The following RICTOR variants were observed in gnomAD, a reference collection of about 807,000 sequenced individuals.
RICTOR encodes the protein rapamycin-insensitive companion of mTOR.
A neutral mutation model predicts 214.9 loss-of-function variants in RICTOR; 49 were observed. The ratio of observed to expected loss-of-function variants is 0.23; its 90% confidence interval spans 0.18 to 0.29. The LOEUF (loss-of-function observed/expected upper bound fraction) is 0.29, where lower values mean the gene tolerates loss of function less well. RICTOR is among the 10% of genes least tolerant of loss of function. RICTOR has a pLI of 1.00. For missense variants in RICTOR, 1,625 were observed against 2,047.0 expected (o/e 0.79, Z 3.98); for synonymous variants, 717 against 711.3 (o/e 1.01, Z -0.13).
intron 2 of RICTOR, among the ~76,000 whole-genome samples, chr5:39,033,422 C>T (rs757900378): frequency 6.6e-6 from 1 of 152,006 alleles, no homozygotes; most frequent in Non-Finnish European, 1.5e-5. Flanking sequence ...TGCCACCACG[C>T]CTGGCTAATT....
chr5:39,061,674 G>A (rs757861757), intron 2 of RICTOR, among the ~76,000 whole-genome samples: 5 of 150,360 alleles, frequency 3.3e-5, no homozygotes, highest in African/African-American at 4.9e-5. Context: ...AATTCCTCCC[G>A]GAATCAAAAA....
At chr5:38,973,603 T>C (rs1750964512) in intron 10 of RICTOR, among the ~76,000 whole-genome samples, 1 of 152,202 alleles carries the variant, frequency 6.6e-6, no homozygotes. Flanking sequence ...CAGCTAAGCG[T>C]ACAGATATTT....
intron 6 of RICTOR, among the ~76,000 whole-genome samples, chr5:38,995,754 T>A (rs1430980479): frequency 6.6e-6 from 1 of 152,114 alleles, no homozygotes; most frequent in African/African-American, 2.4e-5. Context: ...GAATTCTCAG[T>A]CATGGAAGAA....
intron 10 of RICTOR, among the ~76,000 whole-genome samples, chr5:38,972,328 C>T (rs1486748311): frequency 1.3e-5 from 2 of 152,192 alleles, no homozygotes; most frequent in Non-Finnish European, 2.9e-5. Flanking sequence ...AAAAACTCTA[C>T]TTGGCATTTA....
chr5:38,944,603 C>G, intron 35 of RICTOR, 34 bp from the exon 36 acceptor site: 1 of 1,525,218 alleles, frequency 6.6e-7, no homozygotes, highest in Middle Eastern at 1.7e-4. Flanking sequence ...TAAATATTAT[C>G]TATGTCACAA....
chr5:38,970,068 T>A (rs1251172625), intron 11 of RICTOR: 3 of 152,208 alleles, frequency 2.0e-5, no homozygotes, highest in African/African-American at 7.2e-5. Flanking sequence ...CAGTACTCAG[T>A]ACAGTAACAT....
intron 19 of RICTOR, among the ~76,000 whole-genome samples, chr5:38,960,785 A>C (rs1013313343): frequency 1.3e-5 from 2 of 152,068 alleles, no homozygotes; most frequent in African/African-American, 2.4e-5. Context: ...AGAGGAGATA[A>C]GATTATGGGG....
intron 6 of RICTOR, among the ~76,000 whole-genome samples, chr5:38,994,168 T>C (rs1035377700): frequency 2.6e-5 from 4 of 151,720 alleles, no homozygotes; most frequent in Admixed American, 2.0e-4. Flanking sequence ...CCAGCCTGGG[T>C]GACAGAGCGA....
Position 39,015,491 on chromosome 5 carries a change from T to C in RICTOR, c.195+5548A>G, listed in dbSNP as rs151013405. ...GGCAATTTTGTCTCCCAGGGAACAT[T>C]TGGCAATATCTGGAGACATTTCTGC... On this transcript the variant is annotated intron_variant, in intron 3 of 37. Coordinates refer to ENST00000357387, the MANE Select transcript of RICTOR (RefSeq NM_152756.5). Among the ~76,000 whole-genome samples the C allele has an allele frequency of 1.6e-3, 242 of 152,016 alleles. 2 individuals are homozygous for C. The highest frequency in any genetic ancestry group is 5.6e-3 in the African/African-American group (232 of 41,476).
Position 38,944,947 on chromosome 5 carries a change from T to G in RICTOR, c.4755A>C (p.Ser1585=). 6.2e-7 allele frequency: 1 copy of G among 1,614,086 alleles called. No homozygotes were observed. Among genetic ancestry groups the G allele is most frequent in the East Asian group, 2.2e-5 (1 of 44,868 alleles). The change falls in exon 35 of 38, where the codon TCA becomes TCC. Residue 1585 remains serine, a synonymous_variant. Coordinates refer to ENST00000357387, the MANE Select transcript of RICTOR (RefSeq NM_152756.5). ...ATTCTGTGCTTTTGGTGCTGCTAGC[T>G]GAGCCTTCTTGAGACACCCCATCAC... ...GCSDGVSQEG[S]ASSTKSTELL...
Position 38,952,293 on chromosome 5 carries a change from T to C in RICTOR, c.3030A>G (p.Gln1010=). ...GGATAGATGAAAGTTCATTACAGAGTTGTTCCACATCATCTGGAACCACTG... is the reference window on the plus strand; with the variant it reads ...GGATAGATGAAAGTTCATTACAGAGCTGTTCCACATCATCTGGAACCACTG... ...LWPVVPDDVE[Q]LCNELSSIPS... is the part of the protein sequence containing the mutation. Residue 1010 remains glutamine (Q), a synonymous_variant, in exon 30 of 38, where the codon CAA becomes CAG. Coordinates refer to ENST00000357387, the MANE Select transcript of RICTOR (RefSeq NM_152756.5). The C allele has an allele frequency of 1.2e-6, 2 of 1,612,972 alleles. No individual in the cohort carries two copies. Among genetic ancestry groups the C allele is most frequent in the African/African-American group, 1.3e-5 (1 of 74,942 alleles).
At chr5:38,990,753 TG>T (rs1752666831) in intron 7 of RICTOR, among the ~76,000 whole-genome samples, 195 bp downstream of exon 7, 1 of 102,092 alleles carries the variant, frequency 9.8e-6, no homozygotes, top group African/African-American at 3.7e-5. Flanking sequence ...ATGAGATATA[TG>T]ATATATATGA....
rs544454139 is a variant in RICTOR, at chr5:38,983,253, T to C, written c.584-1217A>G. ...CACAGTTCTTATAAAATTTGTCTTA[T>C]ATATTTTCTTTTCTACTTTAAAATA... On this transcript the variant is annotated intron_variant, in intron 7 of 37. Transcript: ENST00000357387. Among the ~76,000 whole-genome samples, 10 of 152,360 alleles carry C rather than the reference T, an allele frequency of 6.6e-5. No individual in the cohort carries two copies. In the East Asian group the frequency reaches 9.6e-4, roughly 15 times the overall value.
intron 2 of RICTOR, among the ~76,000 whole-genome samples, chr5:39,045,174 T>C (rs543871485): frequency 2.6e-5 from 4 of 152,276 alleles, no homozygotes; most frequent in Admixed American, 2.6e-4. Flanking sequence ...ACAAAGCACT[T>C]TTACTTTGTA....
chr5:39,029,694 C>T (rs1756119871), intron 2 of RICTOR, among the ~76,000 whole-genome samples: 1 of 152,156 alleles, frequency 6.6e-6, no homozygotes, highest in Non-Finnish European at 1.5e-5. Flanking sequence ...AACCATGTAG[C>T]CTTGGCTAAA....
rs776881990 is a variant in RICTOR, at chr5:38,962,600, A to G, written c.1567-14T>C. 7.9e-6 allele frequency: 11 copies of G among 1,392,866 alleles called. No homozygotes were observed. Among genetic ancestry groups the G allele is most frequent in the African/African-American group, 1.4e-5 (1 of 69,070 alleles). 86.3% of individuals were successfully genotyped at this position (1,392,866 alleles called of 1,614,324 possible). On this transcript the variant is annotated splice_polypyrimidine_tract_variant and intron_variant, in intron 17 of 37. Transcript: ENST00000357387. ...TTCCTCTGTATCCTAAAATCATCAG[A>G]AAGTAATAAGAAAAATTAAGGCAAA...
intron 2 of RICTOR, among the ~76,000 whole-genome samples, chr5:39,062,809 C>T (rs2150208401): frequency 6.6e-6 from 1 of 152,176 alleles, no homozygotes; most frequent in South Asian, 2.1e-4. Flanking sequence ...TCTTGTTTTG[C>T]TGCTATAATA....
chr5:39,037,284 A>C (rs1359733210), intron 2 of RICTOR, among the ~76,000 whole-genome samples: 1 of 152,182 alleles, frequency 6.6e-6, no homozygotes, highest in Non-Finnish European at 1.5e-5. Context: ...ACAAAGACAC[A>C]ACATACCAGA....
At chr5:39,002,197 G>T (rs956179827) in intron 5 of RICTOR, among the ~76,000 whole-genome samples, 1 of 145,440 alleles carries the variant, frequency 6.9e-6, no homozygotes, top group Non-Finnish European at 1.5e-5. Context: ...AAATCAACAT[G>T]TATGAATCTC....
Sources: gnomAD v4.1 joint callset for allele counts (sites outside exome capture counted in the v4.1 genomes callset) on GRCh38, gnomAD v4.1.1 for gene constraint, MANE v1.5 for transcripts, NCBI Gene and HGNC (gene_info 2026-07-23, HGNC 2026-07-21) for gene names.